EDARADD: variants seen among roughly 807,000 people sequenced by gnomAD.
EDARADD encodes EDAR associated via death domain.
In EDARADD, 20 loss-of-function variants were observed where a neutral mutation model predicts 25.6. The ratio of observed to expected loss-of-function variants is 0.78; its 90% CI spans 0.55 to 1.14. EDARADD has a LOEUF of 1.14. Ranked by LOEUF, EDARADD falls within the 50% of genes most tolerant of loss-of-function variation. The pLI, the probability that EDARADD is intolerant of heterozygous loss-of-function variation, is 0.00. For synonymous variants in EDARADD, 86 were observed against 94.4 expected (o/e 0.91, Z 0.52); for missense variants, 225 against 270.1 (o/e 0.83, Z 1.17).
chr1:236,385,086 A>ATTTT (rs1293083838), intron 3 of EDARADD, among the ~76,000 whole-genome samples: 1 of 76,544 alleles, frequency 1.3e-5, no homozygotes, highest in Admixed American at 1.9e-4. Flanking sequence ...ATGCCTTTTG[A>ATTTT]TTCTTTTTTT....
At chr1:236,409,358 T>G in intron 2 of EDARADD, 84 bp downstream of exon 2, 1 of 1,092,526 alleles carries the variant, frequency 9.2e-7, no homozygotes, top group Non-Finnish European at 1.4e-6. Flanking sequence ...TATTACTCAG[T>G]ATTTACATGT....
At chr1:236,405,884 T>C (rs1667719879) in intron 1 of EDARADD, among the ~76,000 whole-genome samples, 2 of 37,628 alleles carry the variant, frequency 5.3e-5, no homozygotes, top group Non-Finnish European at 1.2e-4. Context: ...CTTCTTTCTT[T>C]CTTTCTTTCT....
chr1:236,404,866 G>T (rs1667678500), intron 1 of EDARADD, among the ~76,000 whole-genome samples: 1 of 152,084 alleles, frequency 6.6e-6, no homozygotes, highest in Non-Finnish European at 1.5e-5. Context: ...GCTGAGGTGG[G>T]TGGATCATCT....
intron 3 of EDARADD, among the ~76,000 whole-genome samples, chr1:236,419,060 G>A (rs1339388090): frequency 6.6e-6 from 1 of 152,152 alleles, no homozygotes; most frequent in African/African-American, 2.4e-5. Context: ...GGATAGAGGG[G>A]ACGGAGAGGA....
At chr1:236,437,467 C>A (rs1209437039) in intron 4 of EDARADD, among the ~76,000 whole-genome samples, 3 of 151,908 alleles carry the variant, frequency 2.0e-5, no homozygotes, top group Admixed American at 1.3e-4. Flanking sequence ...GTCATCCTAG[C>A]AGGGGATGGT....
intron 1 of EDARADD, among the ~76,000 whole-genome samples, chr1:236,404,066 C>A (rs1205683292): frequency 6.6e-6 from 1 of 152,208 alleles, no homozygotes; most frequent in Non-Finnish European, 1.5e-5. Flanking sequence ...AGATCCCGCA[C>A]CGGCCCTGGC....
chr1:236,350,594 G>GC (rs1244790783), intron 2 of EDARADD: 3 of 152,320 alleles, frequency 2.0e-5, no homozygotes, highest in African/African-American at 7.2e-5. Flanking sequence ...GTTCTGTTGA[G>GC]CTGAGCAGAG....
At position 236,482,131 on chromosome 1, in the gene EDARADD, A is replaced by G. The variant is rs974646377; in HGVS notation, c.266-136A>G. On this transcript the variant is annotated intron_variant, in intron 5 of 5. Transcript: ENST00000334232. ...CTCCATCTCAAAAAAAAAAAAAAAA[A>G]GAAAGAAACGAGCATTCTGAAATAG... The G allele has an allele frequency of 3.8e-6, 4 of 1,047,358 alleles. No homozygotes were observed. In the African/African-American group the frequency reaches 4.9e-5, roughly 13 times the overall value. The allele number at this position is 1,047,358 out of a possible 1,614,324, so 64.9% of individuals were successfully genotyped here.
chr1:236,465,455 A>G (rs970729314), intron 4 of EDARADD, among the ~76,000 whole-genome samples: 1 of 152,070 alleles, frequency 6.6e-6, no homozygotes, highest in Admixed American at 6.6e-5. Context: ...TTTGCTTAAG[A>G]CTAAATGCTC....
rs1657749312 is a variant in EDARADD, at chr1:236,420,244, T to C, written c.160+5945T>C. On this transcript the variant is annotated intron_variant, in intron 3 of 5. Coordinates refer to ENST00000334232, the MANE Select transcript of EDARADD (RefSeq NM_145861.4). ...TAATGAAGGTAAAAATCAAATGGCT[T>C]AATCAATCAATCCCTCACTTCATCC... Among the ~76,000 whole-genome samples the C allele has an allele frequency of 3.9e-5, 6 of 152,198 alleles. No homozygotes were observed. In the South Asian group the frequency reaches 1.2e-3, roughly 32 times the overall value.
At chr1:236,458,036 T>G (rs995976662) in intron 4 of EDARADD, among the ~76,000 whole-genome samples, 1 of 152,198 alleles carries the variant, frequency 6.6e-6, no homozygotes, top group Non-Finnish European at 1.5e-5. Flanking sequence ...CACAAGAAGG[T>G]TAGAATTTCA....
rs1667487859 is a variant in EDARADD, at chr1:236,395,033, G to A, written c.61+528G>A. ...GTACCAGCGTGTGCCATCATGCAGC[G>A]GCAGAGCCTGCTTAAAGATCAGGAA... On this transcript the variant is annotated intron_variant, in intron 1 of 5. Coordinates refer to ENST00000334232, the MANE Select transcript of EDARADD (RefSeq NM_145861.4). This position sits in a 1 kb window ranked among gnomAD's most constrained non-coding sequence, Gnocchi z 6.9. 6.6e-6 allele frequency among the ~76,000 whole-genome samples: 1 copy of A among 152,182 alleles called. No individual in the cohort carries two copies. Among genetic ancestry groups the A allele is most frequent in the Non-Finnish European group, 1.5e-5 (1 of 68,032 alleles).
intron 3 of EDARADD, among the ~76,000 whole-genome samples, chr1:236,420,883 G>A (rs1366217655): frequency 6.8e-6 from 1 of 146,604 alleles, no homozygotes; most frequent in Non-Finnish European, 1.5e-5. Context: ...ACAGGCACCC[G>A]CCACCACACC....
chr1:236,412,427 G>A (rs1031959195), intron 2 of EDARADD, among the ~76,000 whole-genome samples: 4 of 152,162 alleles, frequency 2.6e-5, no homozygotes, highest in African/African-American at 9.7e-5. Context: ...GTCAGTGCAA[G>A]GCAGGTAGCA....
At chr1:236,349,684 G>A (rs532646637) in intron 2 of EDARADD, among the ~76,000 whole-genome samples, 1 of 147,834 alleles carries the variant, frequency 6.8e-6, no homozygotes, top group African/African-American at 2.5e-5. Flanking sequence ...TTGTGTAGAG[G>A]AAGTTCTCCG....
intron 3 of EDARADD, among the ~76,000 whole-genome samples, chr1:236,355,703 T>G (rs1490324427): frequency 1.3e-5 from 2 of 151,804 alleles, no homozygotes; most frequent in Non-Finnish European, 2.9e-5. Flanking sequence ...AGAGACAAGG[T>G]TTCACCATGT....
chr1:236,410,124 G>A (rs76827098), intron 2 of EDARADD, among the ~76,000 whole-genome samples: 5,795 of 151,772 alleles, frequency 0.038, 345 homozygotes, highest in African/African-American at 0.13. Context: ...CCATGGGTAC[G>A]TATGCAGCTT....
At chr1:236,474,660 A>C (rs1213685779) in intron 5 of EDARADD, among the ~76,000 whole-genome samples, 1 of 152,238 alleles carries the variant, frequency 6.6e-6, no homozygotes, top group Non-Finnish European at 1.5e-5. Context: ...CTCCTTTAAT[A>C]GAAGTTCCCT....
At chr1:236,354,708 C>G (rs1414239446) in intron 3 of EDARADD, among the ~76,000 whole-genome samples, 1 of 152,194 alleles carries the variant, frequency 6.6e-6, no homozygotes, top group African/African-American at 2.4e-5. Context: ...CTTAGAAACA[C>G]TTTCCTGATA....
Sources: gnomAD v4.1 joint callset for allele counts (sites outside exome capture counted in the v4.1 genomes callset) on GRCh38, gnomAD v4.1.1 for gene constraint, Gnocchi (gnomAD v3.1) non-coding constraint, MANE v1.5 for transcripts, NCBI Gene and HGNC (gene_info 2026-07-23, HGNC 2026-07-21) for gene names.